Variants in GAS7 observed in about 807,000 individuals in gnomAD.
GAS7 encodes growth arrest specific 7.
Under a neutral mutation model 71.1 loss-of-function variants are expected in GAS7, and 28 were observed. That is an observed-to-expected ratio of 0.39 (90% CI 0.29 to 0.54). The LOEUF (loss-of-function observed/expected upper bound fraction) is 0.54. Ranked by LOEUF, GAS7 falls within the 20% of genes least tolerant of loss-of-function variation. The probability of loss-of-function intolerance (pLI) is 0.62; values close to 1 mark genes in which losing one functional copy is unlikely to be tolerated. For missense variants in GAS7, 436 were observed against 627.8 expected, an observed-to-expected ratio of 0.69 and a Z score of 3.27; for synonymous variants, 258 against 245.8, an observed-to-expected ratio of 1.05 and a Z score of -0.46.
At chr17:10,147,048 G>A (rs1049912347) in intron 1 of GAS7, among the ~76,000 whole-genome samples, 4 of 152,002 alleles carry the variant, frequency 2.6e-5, no homozygotes, top group Non-Finnish European at 4.4e-5. Context: ...ACTCCTGTGG[G>A]CATTCGAAAT....
chr17:9,991,905 T>A (rs2070857846), intron 2 of GAS7, among the ~76,000 whole-genome samples: 1 of 152,058 alleles, frequency 6.6e-6, no homozygotes, highest in African/African-American at 2.4e-5. Flanking sequence ...AAAGCCTGGA[T>A]GCTCCAGATC....
rs551171498 is a variant in GAS7, at chr17:10,140,991, G to C, written c.183+57217C>G. ...TCTCCATCAATACTGCCAGCTTCTG[G>C]ACTGGCCCCACCCTGGTGTGCACCC... On this transcript the variant is annotated intron_variant, in intron 1 of 13. Transcript: ENST00000432992. Among the ~76,000 whole-genome samples the C allele has an allele frequency of 3.9e-5, 6 of 152,222 alleles. No homozygotes were observed. In the East Asian group the frequency reaches 1.2e-3, roughly 29 times the overall value.
chr17:10,021,357 G>A (rs1597707755), intron 1 of GAS7, among the ~76,000 whole-genome samples: 4 of 152,176 alleles, frequency 2.6e-5, no homozygotes, highest in African/African-American at 7.2e-5. Flanking sequence ...CTACTCTCAC[G>A]CTTTGTGAAG....
chr17:10,132,396 A>T (rs1464588548), intron 1 of GAS7, among the ~76,000 whole-genome samples: 1 of 152,118 alleles, frequency 6.6e-6, no homozygotes, highest in Non-Finnish European at 1.5e-5. Flanking sequence ...CCATCATCTC[A>T]GTCTTTGTCT....
rs137889030 is a variant in GAS7, at chr17:10,024,432, C to A, written c.184-4535G>T. On this transcript the variant is annotated intron_variant, in intron 1 of 13. Transcript: ENST00000432992. ...CCCTTCAATTCTGTCAGCACTTTCC[C>A]GTGGGAACTGTACTGGAAGCAGAGG... Among the ~76,000 whole-genome samples, 99 of 152,236 alleles carry A rather than the reference C, an allele frequency of 6.5e-4. 1 individual carries two copies. The highest frequency in any genetic ancestry group is 3.4e-3 in the Middle Eastern group (1 of 294).
chr17:10,141,967 G>A (rs1296806959), intron 1 of GAS7, among the ~76,000 whole-genome samples: 9 of 121,244 alleles, frequency 7.4e-5, no homozygotes, highest in Admixed American at 1.8e-4. Context: ...AATGGCTCAC[G>A]CCTGTAATCC....
chr17:10,026,036 A>T lies in GAS7; in HGVS notation c.184-6139T>A. 3.6e-6 allele frequency: 1 copy of T among 280,384 alleles called. No individual in the cohort carries two copies. Among genetic ancestry groups the T allele is most frequent in the Non-Finnish European group, 5.3e-6 (1 of 188,712 alleles). 17.4% of individuals were successfully genotyped at this position (280,384 alleles called of 1,614,324 possible). On this transcript the variant is annotated intron_variant, in intron 1 of 13. Transcript: ENST00000432992. This position sits in a 1 kb window ranked among gnomAD's most constrained non-coding sequence, Gnocchi z 4.5. ...GCCTCCAGGCAGTACAGACCCTGCTACTCCGCTCCCTACCGCTCCCACCAT... is the reference window on the plus strand; with the variant it reads ...GCCTCCAGGCAGTACAGACCCTGCTTCTCCGCTCCCTACCGCTCCCACCAT...
At chr17:9,927,768 G>A (rs577622235) in intron 9 of GAS7, among the ~76,000 whole-genome samples, 4 of 152,310 alleles carry the variant, frequency 2.6e-5, no homozygotes, top group African/African-American at 9.6e-5. Context: ...GGCAGGTGCT[G>A]AGAATACAAA....
chr17:9,942,777 C>T (rs2068649511), intron 7 of GAS7, among the ~76,000 whole-genome samples: 1 of 152,220 alleles, frequency 6.6e-6, no homozygotes, highest in Non-Finnish European at 1.5e-5. Flanking sequence ...ACCCCCTCTA[C>T]AAGAGTAGCT....
chr17:10,035,853 G>A (rs1273632724), intron 1 of GAS7, among the ~76,000 whole-genome samples: 1 of 152,188 alleles, frequency 6.6e-6, no homozygotes, highest in Non-Finnish European at 1.5e-5. Flanking sequence ...TGGAAGCACA[G>A]TGCATTACTG....
chr17:10,158,096 T>C (rs1030871170), intron 1 of GAS7, among the ~76,000 whole-genome samples: 10 of 152,276 alleles, frequency 6.6e-5, no homozygotes, highest in South Asian at 2.1e-4. Flanking sequence ...CTGCAAGCTC[T>C]GCCTCCCAGG....
intron 1 of GAS7, among the ~76,000 whole-genome samples, chr17:10,064,373 G>A (rs568769598): frequency 6.6e-6 from 1 of 152,310 alleles, no homozygotes; most frequent in African/African-American, 2.4e-5. Flanking sequence ...GTGTGGGCCT[G>A]CCCAGCAGGC....
At chr17:9,924,251 G>A (rs1482941395) in intron 11 of GAS7, among the ~76,000 whole-genome samples, 3 of 152,092 alleles carry the variant, frequency 2.0e-5, no homozygotes, top group South Asian at 2.1e-4. Context: ...ATAGTTCACC[G>A]CAGCCTTAAC....
chr17:9,987,678 AG>A (rs1448125103), intron 2 of GAS7, among the ~76,000 whole-genome samples: 8 of 152,392 alleles, frequency 5.2e-5, no homozygotes, highest in Non-Finnish European at 1.0e-4. Flanking sequence ...ACCAGTTGAA[AG>A]CTTGAAGACT....
intron 9 of GAS7, among the ~76,000 whole-genome samples, chr17:9,928,573 C>G: frequency 6.6e-6 from 1 of 152,168 alleles, no homozygotes; most frequent in Admixed American, 6.5e-5. Flanking sequence ...CTGCCTCCAC[C>G]GGTCTTAGAG....
chr17:10,036,352 A>C, intron 1 of GAS7: 1 of 1,168,984 alleles, frequency 8.6e-7, no homozygotes, highest in Non-Finnish European at 1.3e-6. Context: ...CTGCCTCTTT[A>C]CCATGGCACA....
chr17:10,023,099 T>C (rs929483884), intron 1 of GAS7, among the ~76,000 whole-genome samples: 3 of 152,200 alleles, frequency 2.0e-5, no homozygotes, highest in African/African-American at 7.2e-5. Flanking sequence ...GGCACCCTGA[T>C]ACTGAGCCGT....
chr17:10,070,477 C>T (rs1051983138), intron 1 of GAS7, among the ~76,000 whole-genome samples: 1 of 151,686 alleles, frequency 6.6e-6, no homozygotes, highest in Non-Finnish European at 1.5e-5. Context: ...GATTCTCCTG[C>T]CTCAGCCTCC....
chr17:10,121,886 C>A (rs1320476328), intron 1 of GAS7, among the ~76,000 whole-genome samples: 2 of 152,130 alleles, frequency 1.3e-5, no homozygotes, highest in Non-Finnish European at 2.9e-5. Context: ...GGAATGCACC[C>A]CCTCCCACAG....
Sources: gnomAD v4.1 joint callset for allele counts (sites outside exome capture counted in the v4.1 genomes callset) on GRCh38, gnomAD v4.1.1 for gene constraint, Gnocchi (gnomAD v3.1) non-coding constraint, MANE v1.5 for transcripts, NCBI Gene and HGNC (gene_info 2026-07-23, HGNC 2026-07-21) for gene names.